ZNF536: variants seen among roughly 807,000 people sequenced by gnomAD.
ZNF536 encodes zinc finger protein 536.
In ZNF536, 13 loss-of-function variants were observed where a neutral mutation model predicts 84.5. The ratio of observed to expected loss-of-function variants is 0.15; its 90% confidence interval spans 0.10 to 0.24. ZNF536 has a LOEUF of 0.24. ZNF536 is among the 10% of genes least tolerant of loss of function. ZNF536 has a pLI of 1.00. For missense variants in ZNF536, 1,536 were observed against 1,747.5 expected (o/e 0.88, Z 2.16); for synonymous variants, 811 against 742.5 (o/e 1.09, Z -1.50).
intron 2 of ZNF536, among the ~76,000 whole-genome samples, chr19:30,463,765 G>A (rs2053260532): frequency 6.6e-6 from 1 of 152,172 alleles, no homozygotes; most frequent in South Asian, 2.1e-4. Context: ...TAGACTTTTG[G>A]TGGGGGTTAT....
chr19:30,396,355 A>T (rs1054909231), intron 1 of ZNF536, among the ~76,000 whole-genome samples: 1 of 152,316 alleles, frequency 6.6e-6, no homozygotes, highest in East Asian at 1.9e-4. Flanking sequence ...GAAGTGTCCA[A>T]CTTGACTTAT....
At chr19:30,547,601 T>C (rs2045604895) in intron 3 of ZNF536, among the ~76,000 whole-genome samples, 1 of 152,244 alleles carries the variant, frequency 6.6e-6, no homozygotes, top group South Asian at 2.1e-4. Flanking sequence ...ACATACTTTC[T>C]CTTTTTAAAC....
At chr19:30,654,389 C>T (rs1192417744) in intron 1 of ZNF536, among the ~76,000 whole-genome samples, 1 of 151,802 alleles carries the variant, frequency 6.6e-6, no homozygotes, top group Non-Finnish European at 1.5e-5. Flanking sequence ...CCTCACCACC[C>T]CCCTTATTCA....
chr19:30,639,063 G>A (rs1487377223), intron 1 of ZNF536, among the ~76,000 whole-genome samples: 1 of 152,052 alleles, frequency 6.6e-6, no homozygotes, highest in African/African-American at 2.4e-5. Flanking sequence ...TCTTTGGTAG[G>A]CCTGATTACA....
At chr19:30,386,463 A>T (rs1334558700) in intron 1 of ZNF536, among the ~76,000 whole-genome samples, 2 of 151,840 alleles carry the variant, frequency 1.3e-5, no homozygotes, top group South Asian at 4.2e-4. Flanking sequence ...TGAAGAGTCG[A>T]CCTCTCTGGG....
chr19:30,711,158 T>C (rs940191833), exon 2 of ZNF536: 5 of 138,564 alleles, frequency 3.6e-5, no homozygotes, highest in Non-Finnish European at 8.0e-5. Context: ...TCTATATATA[T>C]ATTAAAAAAA....
intron 1 of ZNF536, among the ~76,000 whole-genome samples, chr19:30,273,892 A>G (rs2025987331): frequency 6.6e-6 from 1 of 152,248 alleles, no homozygotes; most frequent in African/African-American, 2.4e-5. Flanking sequence ...TGTGTTCATT[A>G]ACACATATGC....
At chr19:30,633,270 T>C (rs936896764) in intron 1 of ZNF536, among the ~76,000 whole-genome samples, 2 of 152,216 alleles carry the variant, frequency 1.3e-5, no homozygotes, top group African/African-American at 4.8e-5. Flanking sequence ...ATTGTATTTA[T>C]TCTTATTTTT....
rs546507944 is a variant in ZNF536 at position 30,702,319 on chromosome 19, A to G, written c.170-8438A>G. 1.8e-4 allele frequency among the ~76,000 whole-genome samples: 27 copies of G among 152,326 alleles called. 1 individual carries two copies. In the East Asian group the frequency reaches 4.8e-3, roughly 27 times the overall value. On this transcript the variant is annotated intron_variant, in intron 1 of 1. Coordinates refer to the ZNF536 transcript ENST00000592773. ...ATTATTCATAGTGGATTAAAAATGA[A>G]TGTGCTCTTTACCACGGCTCTACGG...
intron 2 of ZNF536, among the ~76,000 whole-genome samples, chr19:30,485,707 G>A (rs76739906): frequency 4.6e-5 from 7 of 150,998 alleles, no homozygotes; most frequent in African/African-American, 1.5e-4. Flanking sequence ...GGGGTGGGGG[G>A]AAACATCTTT....
At chr19:30,314,433 G>A (rs996554259) in intron 2 of ZNF536, among the ~76,000 whole-genome samples, 15 of 152,116 alleles carry the variant, frequency 9.9e-5, no homozygotes, top group African/African-American at 2.7e-4. Context: ...GGTACCTGCT[G>A]CCAGGTGCCA....
At chr19:30,264,139 C>A (rs543063082) in intron 1 of ZNF536, among the ~76,000 whole-genome samples, 1 of 152,204 alleles carries the variant, frequency 6.6e-6, no homozygotes, top group South Asian at 2.1e-4. Flanking sequence ...GCGCTCCCAG[C>A]CAATGAAGCC....
chr19:30,554,083 A>T (rs1169812195), intron 4 of ZNF536: 1 of 127,928 alleles, frequency 7.8e-6, no homozygotes, highest in Admixed American at 7.8e-5. Flanking sequence ...AATAATTGGG[A>T]CCCCCCCCCC....
At chr19:30,427,385 G>A (rs1056847899) in intron 1 of ZNF536, among the ~76,000 whole-genome samples, 2 of 152,204 alleles carry the variant, frequency 1.3e-5, no homozygotes, top group Non-Finnish European at 2.9e-5. Flanking sequence ...GGAAGCTTTT[G>A]GCATGAATCT....
intron 2 of ZNF536, 107 bp from the exon 3 acceptor site, chr19:30,534,740 C>T: frequency 9.0e-7 from 1 of 1,106,822 alleles, no homozygotes; most frequent in Non-Finnish European, 1.3e-6. Flanking sequence ...ATGAAATAGA[C>T]AGGTGTAGTA....
chr19:30,549,829 C>T (rs1469736659), intron 4 of ZNF536, among the ~76,000 whole-genome samples: 2 of 152,032 alleles, frequency 1.3e-5, no homozygotes, highest in African/African-American at 4.8e-5. Context: ...GGGGGAAAAT[C>T]GACTTACAAA....
chr19:30,578,651 T>G (rs981824400), intron 1 of ZNF536, among the ~76,000 whole-genome samples: 2 of 152,256 alleles, frequency 1.3e-5, no homozygotes, highest in Non-Finnish European at 2.9e-5. Flanking sequence ...AATACTCACG[T>G]GCATCTTTTG....
At chr19:30,433,216 C>G (rs1041483213) in intron 1 of ZNF536, among the ~76,000 whole-genome samples, 5 of 152,200 alleles carry the variant, frequency 3.3e-5, no homozygotes, top group Admixed American at 3.3e-4. Flanking sequence ...CTGTCTCCAC[C>G]ACTGCCTTCC....
At chr19:30,632,244 T>G (rs2048912888) in intron 1 of ZNF536, among the ~76,000 whole-genome samples, 1 of 152,230 alleles carries the variant, frequency 6.6e-6, no homozygotes, top group Non-Finnish European at 1.5e-5. Context: ...CTGTTCTTTC[T>G]ACAATAGCCA....
Sources: allele counts gnomAD v4.1 joint callset (sites outside exome capture counted in the v4.1 genomes callset), GRCh38; gene constraint gnomAD v4.1.1; transcripts MANE v1.5; gene names NCBI Gene and HGNC (gene_info 2026-07-23, HGNC 2026-07-21).